Variants in SH3BP2 observed in about 807,000 individuals in gnomAD.
The protein encoded by SH3BP2 is SH3 domain-binding protein 2.
SH3BP2 carries 38 observed loss-of-function variants against 56.2 expected under a neutral mutation model. The ratio of observed to expected loss-of-function variants is 0.68; its 90% CI spans 0.52 to 0.89. The LOEUF (loss-of-function observed/expected upper bound fraction) is 0.89, where lower values mean the gene tolerates loss of function less well. Ranked by LOEUF, SH3BP2 falls within the 40% of genes least tolerant of loss-of-function variation. The pLI is 0.00. For missense variants in SH3BP2, 748 were observed against 762.6 expected, an observed-to-expected ratio of 0.98 and a Z score of 0.23; for synonymous variants, 346 against 316.7, an observed-to-expected ratio of 1.09 and a Z score of -0.98.
chr4:2,809,850 A>G (rs552708892), intron 1 of SH3BP2: 10 of 983,518 alleles, frequency 1.0e-5, no homozygotes, highest in Non-Finnish European at 9.7e-6. Context: ...TGTGTCTGGC[A>G]TGGTGGGAAG....
chr4:2,818,592 T>G (rs1724124813), intron 1 of SH3BP2: 1 of 538,432 alleles, frequency 1.9e-6, no homozygotes, highest in African/African-American at 2.1e-5. Flanking sequence ...GGCTTGTCGA[T>G]CTGCGGGCAG....
At chr4:2,828,206 TCCTC>T (rs2108736829) in intron 7 of SH3BP2, among the ~76,000 whole-genome samples, 1 of 138,792 alleles carries the variant, frequency 7.2e-6, no homozygotes, top group South Asian at 2.2e-4. Context: ...CTCCCTCCCT[TCCTC>T]CCTCCCTATT....
At position 2,824,639 on chromosome 4, in the gene SH3BP2, C is replaced by T. The variant is rs1363972747; in HGVS notation, c.266C>T (p.Thr89Met). Residue 89 changes from threonine to methionine, a missense_variant, in exon 4 of 13, where the codon ACG becomes ATG. By Grantham distance (81) the Thr-to-Met change is moderately conservative. This residue lies in a region of SH3BP2 where 104 missense variants were observed against 123.1 expected (regional missense o/e 0.84). Transcript: ENST00000503393. ...NRVMRAAEET[T>M]SNNVFPFKII... ...GTGATGCGGGCGGCTGAGGAGACCACGTCCAACAACGTTTTCCCCTTCAAG... is the reference window on the plus strand; with the variant it reads ...GTGATGCGGGCGGCTGAGGAGACCATGTCCAACAACGTTTTCCCCTTCAAG... The T allele has an allele frequency of 2.5e-6, 4 of 1,613,854 alleles. No individual in the cohort carries two copies. Among genetic ancestry groups the T allele is most frequent in the Admixed American group, 1.7e-5 (1 of 60,020 alleles).
chr4:2,825,050 G>A (rs1227703545), intron 4 of SH3BP2, 76 bp from the exon 5 acceptor site: 2 of 1,313,424 alleles, frequency 1.5e-6, no homozygotes, highest in African/African-American at 1.5e-5. Flanking sequence ...AGAGCAGGCA[G>A]GGCAGTGAAG....
chr4:2,814,538 G>T lies in SH3BP2; in HGVS notation c.-4-6076G>T, dbSNP rs944149537. Among the ~76,000 whole-genome samples, 7 of 152,158 alleles carry T rather than the reference G, an allele frequency of 4.6e-5. No individual in the cohort carries two copies. The South Asian group carries it at 8.3e-4, about 18-fold the overall frequency. ...CACGCACACACGCACAAGTGTACAGGCTCAAATGCAAATCTCCACGTGTGC... is the reference window on the plus strand; with the variant it reads ...CACGCACACACGCACAAGTGTACAGTCTCAAATGCAAATCTCCACGTGTGC... On this transcript the variant is annotated intron_variant, in intron 1 of 12. Coordinates refer to ENST00000503393, the MANE Select transcript of SH3BP2 (RefSeq NM_001122681.2).
At chr4:2,808,704 A>G (rs537319093) in intron 1 of SH3BP2, among the ~76,000 whole-genome samples, 138 of 152,134 alleles carry the variant, frequency 9.1e-4, no homozygotes, top group African/African-American at 3.2e-3. Context: ...GGGCTCATGC[A>G]AAACATCTTA....
chr4:2,806,722 G>C (rs73794807), intron 1 of SH3BP2, among the ~76,000 whole-genome samples: 1 of 152,206 alleles, frequency 6.6e-6, no homozygotes, highest in African/African-American at 2.4e-5. Flanking sequence ...GCTCCGCCTA[G>C]GGCAACCCTC....
At chr4:2,819,384 CTAAT>C (rs1200797409) in intron 1 of SH3BP2, among the ~76,000 whole-genome samples, 2 of 149,176 alleles carry the variant, frequency 1.3e-5, no homozygotes, top group Non-Finnish European at 3.0e-5. Flanking sequence ...CCATGCCTGA[CTAAT>C]TAAAAAAAAA....
chr4:2,826,686 A>C lies in SH3BP2; in HGVS notation c.429-544A>C, dbSNP rs1027254594. ...TTGCTCTGTGTGTGTGCATGTCCTC[A>C]TGTTGCTCTGTGTGTGTGTGCATGT... is the stretch of plus-strand genomic sequence containing the variant. On this transcript the variant is annotated intron_variant, in intron 5 of 12. Coordinates refer to ENST00000503393, the MANE Select transcript of SH3BP2 (RefSeq NM_001122681.2). 1.7e-5 allele frequency: 5 copies of C among 288,062 alleles called. No homozygotes were observed. The African/African-American group carries it at 1.8e-4, about 10-fold the overall frequency. The allele number at this position is 288,062 out of a possible 1,614,324, so 17.8% of individuals were successfully genotyped here. A position where few individuals can be genotyped will look rare whatever the true frequency, so the allele number is the denominator to read the frequency against.
At chr4:2,826,053 G>A (rs1249278712) in intron 5 of SH3BP2, among the ~76,000 whole-genome samples, 1 of 152,268 alleles carries the variant, frequency 6.6e-6, no homozygotes, top group Non-Finnish European at 1.5e-5. Flanking sequence ...CCGTCCCCTG[G>A]TCCAAGCTGT....
intron 5 of SH3BP2, among the ~76,000 whole-genome samples, chr4:2,826,068 C>T (rs1260367258): frequency 6.6e-6 from 1 of 152,276 alleles, no homozygotes; most frequent in East Asian, 1.9e-4. Flanking sequence ...AGCTGTTCAG[C>T]CTCGGGCCCA....
intron 1 of SH3BP2, among the ~76,000 whole-genome samples, chr4:2,808,047 T>C (rs1190622847): frequency 6.6e-6 from 1 of 152,150 alleles, no homozygotes; most frequent in Non-Finnish European, 1.5e-5. Context: ...CCCGTGTGGA[T>C]TCATTTCCTG....
In SH3BP2 at chr4:2,831,741, C is replaced by T. The variant is rs1724997660; in HGVS notation, c.1350+62C>T. 2.1e-6 allele frequency: 3 copies of T among 1,460,422 alleles called. No individual in the cohort carries two copies. Among genetic ancestry groups the T allele is most frequent in the African/African-American group, 1.4e-5 (1 of 71,612 alleles). 90.5% of individuals were successfully genotyped at this position (1,460,422 alleles called of 1,614,324 possible). A position where few individuals can be genotyped will look rare whatever the true frequency, so the allele number is the denominator to read the frequency against. ...GTAGGTGGACAGGTGGTGGGAAAGC[C>T]ATAGGCCAGGGCGGCCCCTCACAGA... On this transcript the variant is annotated intron_variant, in intron 9 of 12. Coordinates refer to ENST00000503393, the MANE Select transcript of SH3BP2 (RefSeq NM_001122681.2). This position sits in a 1 kb window ranked among gnomAD's most constrained non-coding sequence, Gnocchi z 4.1.
At chr4:2,832,454 C>A in intron 11 of SH3BP2, 42 bp downstream of exon 11, 1 of 1,497,250 alleles carries the variant, frequency 6.7e-7, no homozygotes, top group Non-Finnish European at 9.3e-7. Flanking sequence ...CTCTGGCTCT[C>A]CACACACCCA....
At chr4:2,827,439 C>T (rs575822256) in intron 6 of SH3BP2, 121 bp downstream of exon 6, 14 of 1,183,392 alleles carry the variant, frequency 1.2e-5, no homozygotes, top group East Asian at 5.0e-5. Flanking sequence ...TTTGGCAGTG[C>T]GCAGTAGCAT....
intron 1 of SH3BP2, among the ~76,000 whole-genome samples, chr4:2,813,578 C>G (rs1427906723): frequency 1.3e-5 from 2 of 152,210 alleles, no homozygotes; most frequent in African/African-American, 4.8e-5. Flanking sequence ...CCTGGCAGGG[C>G]TGGGAGTGGT....
Position 2,831,648 on chromosome 4 carries a change from G to A in SH3BP2, c.1319G>A (p.Gly440Asp), listed in dbSNP as rs761092425. 8.8e-6 allele frequency: 14 copies of A among 1,596,044 alleles called. No individual in the cohort carries two copies. Among genetic ancestry groups the A allele is most frequent in the South Asian group, 1.1e-5 (1 of 88,892 alleles). The change falls in exon 9 of 13, where the codon GGC becomes GAC. Residue 440 changes from glycine to aspartate, a missense_variant. Coordinates refer to ENST00000503393, the MANE Select transcript of SH3BP2 (RefSeq NM_001122681.2). The surrounding 1 kb of genome is among the most constrained non-coding windows in gnomAD (Gnocchi z 4.1). Reference protein sequence around the residue: ...KPRQPSQADTGGDDSDEDYEK... With the variant: ...KPRQPSQADTDGDDSDEDYEK... ...CGGCAACCCTCACAGGCTGACACTG[G>A]CGGGGACGACTCGGACGAGGACTAT... is the stretch of plus-strand genomic sequence containing the variant.
At chr4:2,804,075 G>T (rs987240936) in intron 1 of SH3BP2, among the ~76,000 whole-genome samples, 1 of 152,126 alleles carries the variant, frequency 6.6e-6, no homozygotes, top group Non-Finnish European at 1.5e-5. Flanking sequence ...GACTCCAGCC[G>T]AGCCCACTGA....
rs1428556567 is a variant in SH3BP2 at position 2,835,913 on chromosome 4, A to G, written c.*2079A>G. ...AGTGCTGGGATTACAGGCATGAGCC[A>G]CTGTGCCTGGCCCCTTCCTGTAAAA... On this transcript the variant is annotated 3_prime_UTR_variant, in exon 13 of 13. Coordinates refer to ENST00000503393, the MANE Select transcript of SH3BP2 (RefSeq NM_001122681.2). The G allele has an allele frequency of 6.6e-6, 1 of 152,436 alleles. No homozygotes were observed. The highest frequency in any genetic ancestry group is 1.5e-5 in the Non-Finnish European group (1 of 68,212). 9.4% of individuals were successfully genotyped at this position (152,436 alleles called of 1,614,324 possible).
Sources: allele counts gnomAD v4.1 joint callset (sites outside exome capture counted in the v4.1 genomes callset), GRCh38; gene constraint gnomAD v4.1.1; regional missense constraint gnomAD v4.1.1; non-coding constraint Gnocchi (gnomAD v3.1); transcripts MANE v1.5; gene names NCBI Gene and HGNC (gene_info 2026-07-23, HGNC 2026-07-21).